AXDND1: variants seen among roughly 807,000 people sequenced by gnomAD.
AXDND1 encodes the protein axonemal dynein light chain domain containing 1.
AXDND1 carries 110 observed loss-of-function variants against 137.5 expected under a neutral mutation model. The observed-to-expected ratio is 0.80, with a 90% confidence interval of 0.69 to 0.94. The LOEUF is 0.94. Among genes scored for constraint, AXDND1 ranks in the 40% least tolerant of loss-of-function variants. The pLI is 0.00. For missense variants in AXDND1, 1,191 were observed against 1,169.8 expected, an observed-to-expected ratio of 1.02 and a Z score of -0.26; for synonymous variants, 414 against 399.7, an observed-to-expected ratio of 1.04 and a Z score of -0.43.
intron 20 of AXDND1, among the ~76,000 whole-genome samples, chr1:179,506,147 AT>A (rs908653536): frequency 9.3e-5 from 14 of 150,544 alleles, no homozygotes; most frequent in South Asian, 2.1e-4. Context: ...AGCTAGATGG[AT>A]TTTTTTTTTC....
Position 179,486,139 on chromosome 1 carries a change from A to AAAAAAAAAAAAAAAAAAAAAAAAAACT in AXDND1, c.2091+2920_2091+2921insAAAAAAAAAAAAAAAAAAAAAAACTAA, listed in dbSNP as rs149119239. On this transcript the variant is annotated intron_variant, in intron 18 of 25. Transcript: ENST00000367618. ...TGTCTCAAAAAAAAAAAAAAAAAAA[A>AAAAAAAAAAAAAAAAAAAAAAAAAACT]AACCTGATAGAAATGAAAAACACAC... Among the ~76,000 whole-genome samples the AAAAAAAAAAAAAAAAAAAAAAAAAACT allele has an allele frequency of 7.6e-4, 67 of 87,768 alleles. 10 individuals carry two copies. The highest frequency in any genetic ancestry group is 2.9e-3 in the East Asian group (5 of 1,698). The allele number at this position is 87,768 out of a possible 152,430, so 57.6% of individuals were successfully genotyped here. A position where few individuals can be genotyped will look rare whatever the true frequency, so the allele number is the denominator to read the frequency against.
At chr1:179,449,164 G>A in intron 16 of AXDND1, 1 of 453,260 alleles carries the variant, frequency 2.2e-6, no homozygotes, top group Non-Finnish European at 4.4e-6. Context: ...GGAATTAGAG[G>A]CATAATCCAC....
At chr1:179,394,257 T>C (rs934525474) in intron 10 of AXDND1, among the ~76,000 whole-genome samples, 15 of 152,182 alleles carry the variant, frequency 9.9e-5, no homozygotes, top group Non-Finnish European at 1.6e-4. Context: ...GAAGACTCTG[T>C]ATATATTTGA....
chr1:179,521,963 T>C (rs1670104120), intron 21 of AXDND1, among the ~76,000 whole-genome samples: 1 of 152,124 alleles, frequency 6.6e-6, no homozygotes, highest in South Asian at 2.1e-4. Context: ...CTCTGATTAA[T>C]GTGGAGATGG....
intron 20 of AXDND1, among the ~76,000 whole-genome samples, chr1:179,500,329 G>A (rs1214987069): frequency 1.5e-5 from 2 of 137,830 alleles, no homozygotes; most frequent in Non-Finnish European, 3.1e-5. Context: ...TTAATTGCAG[G>A]GTACATTATG....
At chr1:179,446,209 A>G (rs1228978963) in intron 16 of AXDND1, among the ~76,000 whole-genome samples, 3 of 152,152 alleles carry the variant, frequency 2.0e-5, no homozygotes, top group Non-Finnish European at 2.9e-5. Context: ...TATAACATGT[A>G]TAGAAAGAAA....
chr1:179,388,693 T>C (rs1040299981), intron 9 of AXDND1, among the ~76,000 whole-genome samples: 4 of 152,126 alleles, frequency 2.6e-5, no homozygotes, highest in African/African-American at 9.7e-5. Flanking sequence ...GTTCAAGTGA[T>C]TCTTGTGCCT....
intron 4 of AXDND1, among the ~76,000 whole-genome samples, chr1:179,377,995 C>T (rs1647578411): frequency 6.6e-6 from 1 of 152,012 alleles, no homozygotes; most frequent in Non-Finnish European, 1.5e-5. Flanking sequence ...GTGGCAAAAC[C>T]CCATCTCTAC....
intron 11 of AXDND1, among the ~76,000 whole-genome samples, chr1:179,405,698 A>G (rs986103742): frequency 7.0e-6 from 1 of 141,896 alleles, no homozygotes; most frequent in African/African-American, 2.5e-5. Context: ...CAGTGGTATC[A>G]GTTATATCTC....
intron 15 of AXDND1, among the ~76,000 whole-genome samples, chr1:179,433,277 C>T (rs188739217): frequency 1.3e-5 from 2 of 152,052 alleles, no homozygotes; most frequent in African/African-American, 4.8e-5. Context: ...ATTAGTCTAG[C>T]TAGTGGTCTA....
chr1:179,432,316 C>A lies in AXDND1; in HGVS notation c.1537C>A (p.Leu513Ile). 2 of 1,565,388 alleles carry A rather than the reference C, an allele frequency of 1.3e-6. No homozygotes were observed. The highest frequency in any genetic ancestry group is 1.7e-6 in the Non-Finnish European group (2 of 1,153,076). ...TAAGGGAAATATATTTAATTCAGTT[C>A]TTTTAGACTTCAAACAGTGGCAGAA... The part of the protein sequence containing the change: ...PNKGNIFNSV[L>I]LDFKQWQKIL... The change falls in exon 15 of 26, where the codon CTT (leucine) becomes ATT (isoleucine). Residue 513 changes from leucine to isoleucine, a missense_variant. Leu to Ile is a conservative substitution (Grantham distance 5). Transcript: ENST00000367618.
chr1:179,498,103 G>C (rs982322850), intron 20 of AXDND1, among the ~76,000 whole-genome samples: 1 of 151,736 alleles, frequency 6.6e-6, no homozygotes, highest in Admixed American at 6.6e-5. Context: ...TTATAAATTC[G>C]GTTCTATTCC....
At chr1:179,457,170 C>A in intron 16 of AXDND1, 1 of 782,608 alleles carries the variant, frequency 1.3e-6, no homozygotes, top group Non-Finnish European at 2.3e-6. Context: ...AACCCAAAGC[C>A]CCTGGAGTGC....
intron 8 of AXDND1, 77 bp downstream of exon 8, chr1:179,383,621 A>C (rs559946237): frequency 3.8e-4 from 402 of 1,059,736 alleles, no homozygotes; most frequent in Admixed American, 3.6e-4. Flanking sequence ...TAGAATTCTG[A>C]CCCTGCCATA....
At chr1:179,518,201 T>C (rs1263872874) in intron 21 of AXDND1, among the ~76,000 whole-genome samples, 2 of 152,178 alleles carry the variant, frequency 1.3e-5, no homozygotes, top group Non-Finnish European at 2.9e-5. Context: ...AGTTCAGTCT[T>C]TTCTGGTTAA....
chr1:179,537,456 G>A (rs1671663643), intron 25 of AXDND1, among the ~76,000 whole-genome samples: 1 of 152,126 alleles, frequency 6.6e-6, no homozygotes, highest in South Asian at 2.1e-4. Context: ...ATAATCATGT[G>A]GTTTTTGTCA....
intron 4 of AXDND1, among the ~76,000 whole-genome samples, chr1:179,374,544 T>A (rs1359620291): frequency 6.6e-6 from 1 of 152,200 alleles, no homozygotes; most frequent in Non-Finnish European, 1.5e-5. Context: ...ATTGCGGCAC[T>A]ATTCACAATA....
At chr1:179,409,046 G>C (rs1179373360) in intron 11 of AXDND1, among the ~76,000 whole-genome samples, 1 of 147,542 alleles carries the variant, frequency 6.8e-6, no homozygotes, top group Non-Finnish European at 1.5e-5. Flanking sequence ...AGATTGCTTG[G>C]GCAATATATT....
intron 12 of AXDND1, among the ~76,000 whole-genome samples, chr1:179,422,776 T>C (rs540945596): frequency 1.3e-5 from 2 of 152,194 alleles, no homozygotes; most frequent in South Asian, 4.1e-4. Context: ...CCCTTTTTTT[T>C]TCTTTGAGAT....
Sources: gnomAD v4.1 joint callset for allele counts (sites outside exome capture counted in the v4.1 genomes callset) on GRCh38, gnomAD v4.1.1 for gene constraint, MANE v1.5 for transcripts, NCBI Gene and HGNC (gene_info 2026-07-23, HGNC 2026-07-21) for gene names.